The following CNTNAP2 variants were observed in gnomAD, a reference collection of about 807,000 sequenced individuals.
The protein encoded by CNTNAP2 is contactin associated protein 2, also known as contactin-associated protein-like 2.
CNTNAP2 carries 98 observed loss-of-function variants against 155.2 expected under a neutral mutation model. The observed-to-expected ratio is 0.63, with a 90% CI of 0.54 to 0.75. The LOEUF (loss-of-function observed/expected upper bound fraction) is 0.75. Ranked by LOEUF, CNTNAP2 falls within the 30% of genes least tolerant of loss-of-function variation. CNTNAP2 has a pLI of 0.00. For synonymous variants in CNTNAP2, 651 were observed against 631.2 expected (o/e 1.03, Z -0.47); for missense variants, 1,727 against 1,688.1 (o/e 1.02, Z -0.40).
At chr7:146,819,660 C>G (rs1267414357) in intron 2 of CNTNAP2, among the ~76,000 whole-genome samples, 1 of 152,096 alleles carries the variant, frequency 6.6e-6, no homozygotes, top group African/African-American at 2.4e-5. Flanking sequence ...ATCTTTAAAA[C>G]CGATATGGGA....
intron 21 of CNTNAP2, among the ~76,000 whole-genome samples, chr7:148,352,003 G>C (rs1245557914): frequency 6.6e-6 from 1 of 152,086 alleles, no homozygotes; most frequent in Non-Finnish European, 1.5e-5. Flanking sequence ...GGAAGAGACG[G>C]CCTCTTCCCT....
chr7:146,320,446 T>C (rs959498051), intron 1 of CNTNAP2, among the ~76,000 whole-genome samples: 10 of 152,296 alleles, frequency 6.6e-5, no homozygotes, highest in Middle Eastern at 3.4e-3. Context: ...CAGAATGTTA[T>C]ACATAAGAAG....
intron 1 of CNTNAP2, among the ~76,000 whole-genome samples, chr7:146,692,554 T>C (rs2129171787): frequency 6.6e-6 from 1 of 152,244 alleles, no homozygotes; most frequent in Admixed American, 6.5e-5. Flanking sequence ...AGGATGAAAA[T>C]GACCATTTTG....
chr7:148,169,265 G>A (rs1296017102), intron 17 of CNTNAP2, among the ~76,000 whole-genome samples: 2 of 152,078 alleles, frequency 1.3e-5, no homozygotes, highest in Non-Finnish European at 2.9e-5. Context: ...TGCCCCCGTC[G>A]AGCAGACTGG....
intron 3 of CNTNAP2, among the ~76,000 whole-genome samples, chr7:146,887,602 A>G (rs1311905124): frequency 1.3e-5 from 2 of 152,032 alleles, no homozygotes; most frequent in East Asian, 3.9e-4. Context: ...TTTTTTTTCT[A>G]AAATTTCTTT....
intron 3 of CNTNAP2, among the ~76,000 whole-genome samples, chr7:146,842,939 C>A (rs1803764578): frequency 7.0e-6 from 1 of 143,580 alleles, no homozygotes; most frequent in East Asian, 2.1e-4. Flanking sequence ...CCTGCCTCGG[C>A]CTCCCAAAGT....
intron 11 of CNTNAP2, among the ~76,000 whole-genome samples, chr7:147,534,501 A>C (rs998392552): frequency 6.6e-6 from 1 of 152,162 alleles, no homozygotes; most frequent in Non-Finnish European, 1.5e-5. Context: ...CAATCATATG[A>C]TTCTGAATGC....
intron 13 of CNTNAP2, among the ~76,000 whole-genome samples, chr7:147,866,516 G>T (rs147503194): frequency 0.037 from 5,584 of 152,212 alleles, 169 homozygotes; most frequent in Middle Eastern, 0.061. Context: ...ATTGACAGTA[G>T]GGTGTTAAAG....
chr7:148,386,633 G>A (rs1465847176), intron 22 of CNTNAP2, among the ~76,000 whole-genome samples: 1 of 152,196 alleles, frequency 6.6e-6, no homozygotes, highest in South Asian at 2.1e-4. Context: ...GGGGCTGGAA[G>A]GGGCAGAGGA....
intron 8 of CNTNAP2, among the ~76,000 whole-genome samples, chr7:147,238,222 G>A (rs1429318251): frequency 2.0e-5 from 3 of 152,000 alleles, no homozygotes; most frequent in Non-Finnish European, 4.4e-5. Context: ...TCACCGTGTT[G>A]GCCAGGATGG....
intron 11 of CNTNAP2, among the ~76,000 whole-genome samples, chr7:147,540,598 CAAG>C (rs1799621736): frequency 6.6e-6 from 1 of 152,186 alleles, no homozygotes; most frequent in African/African-American, 2.4e-5. Flanking sequence ...AAAAGGGAAA[CAAG>C]GAGGGCAGAT....
chr7:148,015,290 G>A (rs1282372480), intron 15 of CNTNAP2, among the ~76,000 whole-genome samples: 1 of 152,272 alleles, frequency 6.6e-6, no homozygotes, highest in Middle Eastern at 3.4e-3. Context: ...AATCAGATGT[G>A]TAAGGGCTGA....
intron 10 of CNTNAP2, among the ~76,000 whole-genome samples, chr7:147,424,801 T>C (rs1438760862): frequency 1.3e-5 from 2 of 152,186 alleles, no homozygotes; most frequent in Non-Finnish European, 2.9e-5. Flanking sequence ...TGCAAGTAAA[T>C]GTCAACTCCA....
chr7:146,723,858 G>T (rs1025391165), intron 1 of CNTNAP2, among the ~76,000 whole-genome samples: 15 of 152,124 alleles, frequency 9.9e-5, no homozygotes, highest in African/African-American at 3.6e-4. Context: ...ATTGCATTTT[G>T]TTCCCAATGC....
chr7:146,931,646 G>A (rs1336939709), intron 3 of CNTNAP2, among the ~76,000 whole-genome samples: 2 of 150,744 alleles, frequency 1.3e-5, no homozygotes, highest in Non-Finnish European at 1.5e-5. Context: ...ATGAATCCAG[G>A]AACTGGTTTT....
intron 3 of CNTNAP2, among the ~76,000 whole-genome samples, chr7:146,972,253 A>G (rs1797816545): frequency 6.6e-6 from 1 of 152,202 alleles, no homozygotes; most frequent in Non-Finnish European, 1.5e-5. Context: ...TTATTAATGT[A>G]TATTCTAGTA....
At chr7:146,653,306 A>C (rs909540193) in intron 1 of CNTNAP2, among the ~76,000 whole-genome samples, 3 of 152,110 alleles carry the variant, frequency 2.0e-5, no homozygotes, top group Admixed American at 6.6e-5. Flanking sequence ...ACTGATAGTC[A>C]TTGTAGTTTA....
chr7:146,230,224 A>G (rs111353927), intron 1 of CNTNAP2, among the ~76,000 whole-genome samples: 2,330 of 152,324 alleles, frequency 0.015, 49 homozygotes, highest in African/African-American at 0.052. Context: ...AAGTGAGTAT[A>G]TAAGTCCACT....
Position 148,365,783 on chromosome 7 carries a change from T to C in CNTNAP2, c.3476-17866T>C, listed in dbSNP as rs746428070. Among the ~76,000 whole-genome samples, 192 of 93,314 alleles carry C rather than the reference T, an allele frequency of 2.1e-3. 34 individuals carry two copies. Among genetic ancestry groups the C allele is most frequent in the African/African-American group, 9.0e-3 (189 of 20,934 alleles). 61.2% of individuals were successfully genotyped at this position (93,314 alleles called of 152,430 possible). ...GTGTATACGTGTATACATGTATGTGTATGCATGTATACATGCATGTGTATG... is the reference window on the plus strand; with the variant it reads ...GTGTATACGTGTATACATGTATGTGCATGCATGTATACATGCATGTGTATG... On this transcript the variant is annotated intron_variant, in intron 21 of 23. Coordinates refer to ENST00000361727, the MANE Select transcript of CNTNAP2 (RefSeq NM_014141.6).
Sources: gnomAD v4.1 joint callset for allele counts (sites outside exome capture counted in the v4.1 genomes callset) on GRCh38, gnomAD v4.1.1 for gene constraint, MANE v1.5 for transcripts, NCBI Gene and HGNC (gene_info 2026-07-23, HGNC 2026-07-21) for gene names.